The following CTNNA2 variants were observed in gnomAD, a reference collection of about 807,000 sequenced individuals.
CTNNA2 encodes catenin alpha-2.
A neutral mutation model predicts 101.0 loss-of-function variants in CTNNA2; 42 were observed. The ratio of observed to expected loss-of-function variants is 0.42; its 90% CI spans 0.32 to 0.54. The LOEUF is 0.54. CTNNA2 is among the 20% of genes least tolerant of loss of function. CTNNA2 has a pLI of 0.14. For missense variants in CTNNA2, 871 were observed against 1,223.1 expected (o/e 0.71, Z 4.29); for synonymous variants, 450 against 456.4 (o/e 0.99, Z 0.18).
intron 7 of CTNNA2, among the ~76,000 whole-genome samples, chr2:80,272,864 C>A (rs1318876361): frequency 6.6e-6 from 1 of 152,112 alleles, no homozygotes; most frequent in African/African-American, 2.4e-5. Flanking sequence ...AAGATATTTG[C>A]TTGAAAAAGT....
intron 7 of CTNNA2, among the ~76,000 whole-genome samples, chr2:80,055,227 C>T (rs1329363221): frequency 1.3e-5 from 2 of 152,078 alleles, no homozygotes; most frequent in Non-Finnish European, 2.9e-5. Flanking sequence ...TGGGGTCTCA[C>T]TATGTTGTCC....
At chr2:79,816,120 C>A (rs534780213) in intron 3 of CTNNA2, among the ~76,000 whole-genome samples, 1 of 151,974 alleles carries the variant, frequency 6.6e-6, no homozygotes, top group Non-Finnish European at 1.5e-5. Context: ...AGAAATTTTG[C>A]TGAATTGTTT....
chr2:80,591,203 T>C (rs1043023515), intron 15 of CTNNA2, among the ~76,000 whole-genome samples: 3 of 152,164 alleles, frequency 2.0e-5, no homozygotes, highest in African/African-American at 4.8e-5. Context: ...AGTCAAAGTA[T>C]AGTTTTAAAA....
chr2:79,690,626 C>T (rs562981809), intron 2 of CTNNA2, among the ~76,000 whole-genome samples: 7 of 151,868 alleles, frequency 4.6e-5, no homozygotes, highest in Admixed American at 4.6e-4. Flanking sequence ...TATAGTAGAT[C>T]AGCTAGGTAT....
chr2:79,555,643 T>G (rs1674396941), intron 1 of CTNNA2, among the ~76,000 whole-genome samples: 1 of 152,158 alleles, frequency 6.6e-6, no homozygotes, highest in Non-Finnish European at 1.5e-5. Flanking sequence ...AACAGAATTC[T>G]GACTAGAGCA....
At chr2:79,580,370 C>A (rs1338948519) in intron 1 of CTNNA2, among the ~76,000 whole-genome samples, 1 of 152,134 alleles carries the variant, frequency 6.6e-6, no homozygotes, top group Non-Finnish European at 1.5e-5. Context: ...CCAAAGAATG[C>A]AGTGGTGGAA....
rs562626680 is a variant in CTNNA2, at chr2:80,044,750, AT to A, written c.1056+134962del. 5.3e-5 allele frequency among the ~76,000 whole-genome samples: 8 copies of A among 151,430 alleles called. No individual in the cohort carries two copies. In the South Asian group the frequency reaches 1.3e-3, roughly 24 times the overall value. On this transcript the variant is annotated intron_variant, in intron 7 of 18. Transcript: ENST00000402739. ...TTTGCATGCACTATGTCTTGGTCAT[AT>A]TTTTTTTTCTTTGGCTCCAGAAAGA... is the stretch of plus-strand genomic sequence containing the variant.
intron 3 of CTNNA2, among the ~76,000 whole-genome samples, chr2:79,368,803 T>C (rs985034444): frequency 6.6e-6 from 1 of 152,216 alleles, no homozygotes; most frequent in African/African-American, 2.4e-5. Flanking sequence ...ACAATGAAAT[T>C]AAAGCTTTTT....
At chr2:80,068,530 T>C (rs930406517) in intron 7 of CTNNA2, among the ~76,000 whole-genome samples, 1 of 152,234 alleles carries the variant, frequency 6.6e-6, no homozygotes, top group Non-Finnish European at 1.5e-5. Context: ...GCTCACTGCT[T>C]TTCATCTTAA....
intron 18 of CTNNA2, among the ~76,000 whole-genome samples, chr2:80,631,361 ATTTT>A (rs35491193): frequency 9.2e-6 from 1 of 108,350 alleles, no homozygotes; most frequent in Non-Finnish European, 2.1e-5. Context: ...GAAACCACTA[ATTTT>A]TTTTTTTTTT....
At chr2:79,962,701 T>C (rs555473765) in intron 7 of CTNNA2, among the ~76,000 whole-genome samples, 147 of 152,230 alleles carry the variant, frequency 9.7e-4, no homozygotes, top group African/African-American at 3.1e-3. Flanking sequence ...TTTAGTTTGA[T>C]AGATATGATT....
chr2:79,704,235 T>C (rs372718420), intron 2 of CTNNA2, among the ~76,000 whole-genome samples: 9 of 152,202 alleles, frequency 5.9e-5, no homozygotes, highest in Admixed American at 2.6e-4. Context: ...GTTTATTGCC[T>C]AGTGAATCTT....
intron 9 of CTNNA2, among the ~76,000 whole-genome samples, chr2:80,456,313 TC>T (rs1171840525): frequency 6.6e-6 from 1 of 152,180 alleles, no homozygotes; most frequent in Non-Finnish European, 1.5e-5. Flanking sequence ...CACATTGGTA[TC>T]CCCTGCACTT....
chr2:79,304,244 T>C (rs1433062252), intron 2 of CTNNA2, among the ~76,000 whole-genome samples: 1 of 152,164 alleles, frequency 6.6e-6, no homozygotes, highest in Non-Finnish European at 1.5e-5. Flanking sequence ...AAAACTTAAA[T>C]TTATATTGAA....
intron 1 of CTNNA2, among the ~76,000 whole-genome samples, chr2:79,641,096 A>T (rs1180767441): frequency 1.3e-5 from 2 of 152,218 alleles, no homozygotes; most frequent in Non-Finnish European, 2.9e-5. Flanking sequence ...TTGTTAAAGA[A>T]ATAAGATCCA....
At chr2:80,158,459 G>A (rs765258201) in intron 7 of CTNNA2, among the ~76,000 whole-genome samples, 2 of 152,166 alleles carry the variant, frequency 1.3e-5, no homozygotes, top group Non-Finnish European at 2.9e-5. Context: ...CCAAGATGTT[G>A]TCATTGATAC....
At chr2:79,569,197 T>A (rs755857980) in intron 1 of CTNNA2, among the ~76,000 whole-genome samples, 4 of 152,092 alleles carry the variant, frequency 2.6e-5, no homozygotes, top group Non-Finnish European at 5.9e-5. Flanking sequence ...GAAAGCATGA[T>A]TGTGTTAGGT....
intron 4 of CTNNA2, among the ~76,000 whole-genome samples, chr2:79,466,082 C>T (rs560848008): frequency 1.2e-4 from 19 of 152,278 alleles, no homozygotes; most frequent in Admixed American, 2.0e-4. Context: ...CGAAGCAGGG[C>T]GAGGCATCGC....
At position 80,525,779 on chromosome 2, in the gene CTNNA2, G is replaced by T. The variant is rs1689980143; in HGVS notation, c.1291-19203G>T. 2.0e-5 allele frequency among the ~76,000 whole-genome samples: 3 copies of T among 152,092 alleles called. No individual in the cohort carries two copies. In the South Asian group the frequency reaches 6.2e-4, roughly 32 times the overall value. On this transcript the variant is annotated intron_variant, in intron 9 of 18. Transcript: ENST00000402739. Reference sequence around the variant, plus strand: ...GAAGTTGAAAAGCTGCCTCATTGGTGCTCCATGATCTGTAAGGATAATGAC... The same window carrying T: ...GAAGTTGAAAAGCTGCCTCATTGGTTCTCCATGATCTGTAAGGATAATGAC...
Sources: allele counts gnomAD v4.1 joint callset (sites outside exome capture counted in the v4.1 genomes callset), GRCh38; gene constraint gnomAD v4.1.1; transcripts MANE v1.5; gene names NCBI Gene and HGNC (gene_info 2026-07-23, HGNC 2026-07-21).